Variants in SLC7A1 observed in about 807,000 individuals in gnomAD.
The protein encoded by SLC7A1 is high affinity cationic amino acid transporter 1.
SLC7A1 carries 10 observed loss-of-function variants against 53.9 expected under a neutral mutation model. That is an observed-to-expected ratio of 0.19 (90% CI 0.11 to 0.31). SLC7A1 has a LOEUF of 0.31. SLC7A1 is among the 10% of genes least tolerant of loss of function. The pLI, the probability that SLC7A1 is intolerant of heterozygous loss-of-function variation, is 1.00. For missense variants in SLC7A1, 525 were observed against 827.2 expected, an observed-to-expected ratio of 0.63 and a Z score of 4.48; for synonymous variants, 342 against 338.7, an observed-to-expected ratio of 1.01 and a Z score of -0.11.
At chr13:29,536,999 G>C (rs1039049692) in intron 2 of SLC7A1, among the ~76,000 whole-genome samples, 4 of 152,228 alleles carry the variant, frequency 2.6e-5, no homozygotes, top group Non-Finnish European at 5.9e-5. Flanking sequence ...CTTGTGCCTT[G>C]TGGGATGGCT....
At chr13:29,552,769 A>G (rs1388982937) in intron 2 of SLC7A1, among the ~76,000 whole-genome samples, 1 of 152,178 alleles carries the variant, frequency 6.6e-6, no homozygotes, top group East Asian at 1.9e-4. Context: ...GTCAATAAAT[A>G]TGTGGGTAAA....
Position 29,514,423 on chromosome 13 carries a change from GGTCCTCT to G in SLC7A1, c.*50_*56del. On this transcript the variant is annotated 3_prime_UTR_variant, in exon 13 of 13. Coordinates refer to ENST00000380752, the MANE Select transcript of SLC7A1 (RefSeq NM_003045.5). ...TGGTGGGGAGGGTGGGGTGCCTCCC[GGTCCTCT>G]GGGGGCGTCCCTCGGGGCTGCTGCC... 1 of 1,338,666 alleles carries G rather than the reference GGTCCTCT, an allele frequency of 7.5e-7. No individual in the cohort carries two copies. The highest frequency in any genetic ancestry group is 1.1e-6 in the Non-Finnish European group (1 of 947,096). The allele number at this position is 1,338,666 out of a possible 1,614,324, so 82.9% of individuals were successfully genotyped here. A position where few individuals can be genotyped will look rare whatever the true frequency, so the allele number is the denominator to read the frequency against.
intron 1 of SLC7A1, among the ~76,000 whole-genome samples, chr13:29,583,192 C>T (rs577804024): frequency 2.6e-5 from 4 of 152,210 alleles, no homozygotes; most frequent in Non-Finnish European, 4.4e-5. Flanking sequence ...CACCCGTGCC[C>T]GCATGCACAG....
At chr13:29,592,066 C>G (rs1388196331) in intron 1 of SLC7A1, among the ~76,000 whole-genome samples, 1 of 152,190 alleles carries the variant, frequency 6.6e-6, no homozygotes, top group East Asian at 1.9e-4. Context: ...CAGAGAGAAG[C>G]AAAGCCAGAG....
At chr13:29,519,626 C>T (rs1868528622) in intron 8 of SLC7A1, 77 bp from the exon 9 acceptor site, 2 of 865,950 alleles carry the variant, frequency 2.3e-6, no homozygotes, top group South Asian at 3.1e-5. Context: ...CTGCCGCCCA[C>T]CATCCAGGGC....
At chr13:29,568,468 G>T (rs543742703) in intron 1 of SLC7A1, among the ~76,000 whole-genome samples, 1 of 152,328 alleles carries the variant, frequency 6.6e-6, no homozygotes, top group Non-Finnish European at 1.5e-5. Context: ...ACAACTATGG[G>T]TAGTGAACTC....
intron 2 of SLC7A1, among the ~76,000 whole-genome samples, chr13:29,543,533 G>A (rs1339614870): frequency 1.3e-5 from 2 of 152,200 alleles, no homozygotes; most frequent in Non-Finnish European, 2.9e-5. Context: ...AGTTCCCAGG[G>A]ACCTCTGAGG....
rs756980109 is a variant in SLC7A1, at chr13:29,517,189, G to A, written c.1632C>T (p.Gly544=). The change falls in exon 11 of 13, where the codon GGC becomes GGT. Residue 544 remains glycine (G), a synonymous_variant. Coordinates refer to ENST00000380752, the MANE Select transcript of SLC7A1 (RefSeq NM_003045.5). ...TGCTCTCGGGCTGCCTCCAGATGAC[G>A]CCCGTGACCACGGCACAGAGGAGGG... The part of the protein sequence containing the change: ...GSALLCAVVT[G]VIWRQPESKT... 1.1e-5 allele frequency: 18 copies of A among 1,612,708 alleles called. No individual in the cohort carries two copies. Among genetic ancestry groups the A allele is most frequent in the African/African-American group, 9.3e-5 (7 of 74,914 alleles).
chr13:29,570,202 T>A (rs1364173089), intron 1 of SLC7A1, among the ~76,000 whole-genome samples: 1 of 152,170 alleles, frequency 6.6e-6, no homozygotes, highest in Non-Finnish European at 1.5e-5. Flanking sequence ...CTGCTGAACC[T>A]CCTCTGCCCC....
chr13:29,581,044 A>T (rs1871625521), intron 1 of SLC7A1, among the ~76,000 whole-genome samples: 2 of 152,230 alleles, frequency 1.3e-5, no homozygotes, highest in African/African-American at 4.8e-5. Context: ...AATGTAAATG[A>T]CATGTTTCTA....
chr13:29,554,758 C>G (rs1348141181), intron 1 of SLC7A1, among the ~76,000 whole-genome samples: 2 of 152,158 alleles, frequency 1.3e-5, no homozygotes, highest in Admixed American at 6.5e-5. Context: ...ATAACTTAGA[C>G]AGCAGCAAAC....
intron 5 of SLC7A1, among the ~76,000 whole-genome samples, chr13:29,526,331 G>C (rs1039164842): frequency 2.0e-5 from 3 of 152,116 alleles, no homozygotes; most frequent in Admixed American, 6.5e-5. Flanking sequence ...GATTAGCTGG[G>C]TGTGGTGGCA....
chr13:29,529,921 C>T (rs1191113678), intron 5 of SLC7A1, among the ~76,000 whole-genome samples: 1 of 152,104 alleles, frequency 6.6e-6, no homozygotes, highest in African/African-American at 2.4e-5. Flanking sequence ...CCTGAGATGG[C>T]ACAGGGTGGA....
At chr13:29,515,824 C>G (rs1220691861) in intron 12 of SLC7A1, among the ~76,000 whole-genome samples, 5 of 152,370 alleles carry the variant, frequency 3.3e-5, no homozygotes, top group Admixed American at 3.3e-4. Flanking sequence ...CTGGGCAGGC[C>G]AGGGGGCCAG....
chr13:29,524,970 A>T (rs1868816842), intron 5 of SLC7A1, among the ~76,000 whole-genome samples: 2 of 152,168 alleles, frequency 1.3e-5, no homozygotes, highest in African/African-American at 4.8e-5. Flanking sequence ...GTGCCGAGAC[A>T]CGGTGCCCAG....
At chr13:29,543,852 G>C (rs1300674530) in intron 2 of SLC7A1, among the ~76,000 whole-genome samples, 1 of 152,044 alleles carries the variant, frequency 6.6e-6, no homozygotes, top group Non-Finnish European at 1.5e-5. Flanking sequence ...GTGGGGGAGA[G>C]GCGGGGACAT....
chr13:29,528,588 A>G (rs1566256745), intron 5 of SLC7A1, among the ~76,000 whole-genome samples: 1 of 152,204 alleles, frequency 6.6e-6, no homozygotes, highest in Non-Finnish European at 1.5e-5. Flanking sequence ...GCAAGACTAC[A>G]TGGCTGTTGT....
At position 29,522,355 on chromosome 13, in the gene SLC7A1, G is replaced by A. The variant is rs761231796; in HGVS notation, c.1151C>T (p.Thr384Ile). The A allele has an allele frequency of 1.2e-6, 2 of 1,614,188 alleles. No homozygotes were observed. The highest frequency in any genetic ancestry group is 1.6e-4 in the Middle Eastern group (1 of 6,062). Reference protein sequence around the residue: ...FLANVNDRTKTPIIATLASGA... With the variant: ...FLANVNDRTKIPIIATLASGA... Reference sequence around the variant, plus strand: ...CGAGGCTAATGTGGCGATTATTGGTGTTTTGGTCCTATCATTGACGTTGGC... The same window carrying A: ...CGAGGCTAATGTGGCGATTATTGGTATTTTGGTCCTATCATTGACGTTGGC... The change falls in exon 8 of 13, where the codon ACA becomes ATA. Residue 384 changes from threonine (T) to isoleucine (I), a missense_variant. Coordinates refer to ENST00000380752, the MANE Select transcript of SLC7A1 (RefSeq NM_003045.5).
At chr13:29,531,959 A>G (rs1478835726) in intron 4 of SLC7A1, among the ~76,000 whole-genome samples, 2 of 152,148 alleles carry the variant, frequency 1.3e-5, no homozygotes, top group Non-Finnish European at 2.9e-5. Flanking sequence ...ACAACAATAT[A>G]TTGTTTCTTT....
Sources: allele counts gnomAD v4.1 joint callset (sites outside exome capture counted in the v4.1 genomes callset), GRCh38; gene constraint gnomAD v4.1.1; transcripts MANE v1.5; gene names NCBI Gene and HGNC (gene_info 2026-07-23, HGNC 2026-07-21).